The following AFF3 variants were observed in gnomAD, a reference collection of about 807,000 sequenced individuals.
AFF3 encodes the protein ALF transcription elongation factor 3, also known as AF4/FMR2 family member 3.
Under a neutral mutation model 129.7 loss-of-function variants are expected in AFF3, and 32 were observed. That is an observed-to-expected ratio of 0.25 (90% CI 0.19 to 0.33). The LOEUF (loss-of-function observed/expected upper bound fraction) is 0.33. Among genes scored for constraint, AFF3 ranks in the 10% least tolerant of loss-of-function variants. The probability of loss-of-function intolerance (pLI) is 1.00; values close to 1 mark genes in which losing one functional copy is unlikely to be tolerated. For synonymous variants in AFF3, 644 were observed against 635.4 expected (o/e 1.01, Z -0.20); for missense variants, 1,373 against 1,592.0 (o/e 0.86, Z 2.34).
intron 8 of AFF3, among the ~76,000 whole-genome samples, chr2:99,795,393 T>C (rs972593128): frequency 6.6e-6 from 1 of 151,578 alleles, no homozygotes; most frequent in African/African-American, 2.4e-5. Flanking sequence ...AGAAGGGCAA[T>C]GGCTGGGGGG....
chr2:99,803,290 C>G (rs1263356114), intron 8 of AFF3, among the ~76,000 whole-genome samples: 1 of 152,220 alleles, frequency 6.6e-6, no homozygotes, highest in South Asian at 2.1e-4. Context: ...CCCTAGTGAT[C>G]ATGGTGAATT....
At chr2:100,063,011 G>A (rs1397379149) in intron 4 of AFF3, among the ~76,000 whole-genome samples, 1 of 152,002 alleles carries the variant, frequency 6.6e-6, no homozygotes, top group Non-Finnish European at 1.5e-5. Context: ...ACCACTTTGG[G>A]AGGCCAAGGC....
intron 10 of AFF3, among the ~76,000 whole-genome samples, chr2:99,727,394 A>C (rs190081455): frequency 1.4e-3 from 208 of 152,338 alleles, no homozygotes; most frequent in Non-Finnish European, 2.6e-3. Flanking sequence ...CTTTGCCAGA[A>C]GATGAATATC....
chr2:100,000,723 C>T (rs1250229111), intron 7 of AFF3, among the ~76,000 whole-genome samples: 1 of 152,156 alleles, frequency 6.6e-6, no homozygotes, highest in African/African-American at 2.4e-5. Flanking sequence ...AAGCAGGTAT[C>T]ATTATCATGT....
At chr2:99,698,040 T>G (rs551126752) in intron 11 of AFF3, among the ~76,000 whole-genome samples, 1 of 152,318 alleles carries the variant, frequency 6.6e-6, no homozygotes, top group East Asian at 1.9e-4. Flanking sequence ...TAATTCCAAG[T>G]GTGTATCATC....
chr2:99,947,108 A>C (rs919716318), intron 7 of AFF3, among the ~76,000 whole-genome samples: 2 of 152,214 alleles, frequency 1.3e-5, no homozygotes, highest in African/African-American at 2.4e-5. Context: ...ATAAAGGCGC[A>C]TAACACATCT....
chr2:99,610,654 T>C (rs777596338), intron 13 of AFF3, among the ~76,000 whole-genome samples: 24 of 152,178 alleles, frequency 1.6e-4, no homozygotes, highest in Non-Finnish European at 3.2e-4. Flanking sequence ...AATATTTCTG[T>C]ATAGGTTTTT....
intron 21 of AFF3, among the ~76,000 whole-genome samples, chr2:99,559,394 TAA>T (rs1315895055): frequency 6.6e-6 from 1 of 152,218 alleles, no homozygotes; most frequent in African/African-American, 2.4e-5. Context: ...GCAGCTCCAC[TAA>T]AGTCACAAAC....
chr2:99,645,939 C>T (rs573266666), intron 13 of AFF3, among the ~76,000 whole-genome samples: 1 of 152,274 alleles, frequency 6.6e-6, no homozygotes, highest in South Asian at 2.1e-4. Flanking sequence ...TAACCTCCAA[C>T]AACCCAGAGG....
chr2:99,868,492 T>C (rs1691612765), intron 7 of AFF3, among the ~76,000 whole-genome samples: 1 of 152,110 alleles, frequency 6.6e-6, no homozygotes, highest in African/African-American at 2.4e-5. Context: ...AGGAGGAAGT[T>C]GCTCAGGGAA....
intron 11 of AFF3, among the ~76,000 whole-genome samples, chr2:99,710,401 C>A (rs1318022514): frequency 6.6e-6 from 1 of 152,064 alleles, no homozygotes; most frequent in African/African-American, 2.4e-5. Flanking sequence ...GGATTACAGG[C>A]GTGCGCTACC....
At chr2:99,890,163 T>C (rs1315246483) in intron 7 of AFF3, among the ~76,000 whole-genome samples, 2 of 152,280 alleles carry the variant, frequency 1.3e-5, no homozygotes, top group East Asian at 1.9e-4. Context: ...GGAGTGGTAA[T>C]GGGACACCAG....
At chr2:100,130,136 G>C (rs148853238) in intron 1 of AFF3, among the ~76,000 whole-genome samples, 25 of 152,324 alleles carry the variant, frequency 1.6e-4, no homozygotes, top group Non-Finnish European at 3.1e-4. Context: ...CGTGTGGCAC[G>C]TAAAGCAGAA....
At chr2:99,890,708 GCTTTGACGTGCACCACTTCT>G (rs1239637640) in intron 7 of AFF3, among the ~76,000 whole-genome samples, 1 of 152,074 alleles carries the variant, frequency 6.6e-6, no homozygotes, top group Non-Finnish European at 1.5e-5. Flanking sequence ...TTGGGGGCAG[GCTTTGACGTGCACCACTTCT>G]GTCTGGGCAC....
intron 7 of AFF3, among the ~76,000 whole-genome samples, chr2:99,914,574 G>C (rs1207535001): frequency 6.6e-6 from 1 of 152,144 alleles, no homozygotes; most frequent in African/African-American, 2.4e-5. Context: ...GGATATGTAA[G>C]AGGATATTCT....
intron 11 of AFF3, among the ~76,000 whole-genome samples, chr2:99,701,967 A>G (rs1383675052): frequency 6.6e-6 from 1 of 152,220 alleles, no homozygotes; most frequent in Non-Finnish European, 1.5e-5. Flanking sequence ...ATTCCCTGAG[A>G]TCCATCCAAG....
intron 7 of AFF3, among the ~76,000 whole-genome samples, chr2:99,927,747 T>A (rs6706702): frequency 0.047 from 7,169 of 152,136 alleles, 464 homozygotes; most frequent in African/African-American, 0.14. Context: ...TTAAAAAAAA[T>A]TTTTTTAAAT....
intron 11 of AFF3, among the ~76,000 whole-genome samples, chr2:99,726,663 G>T (rs1424886136): frequency 6.6e-6 from 1 of 152,144 alleles, no homozygotes; most frequent in Admixed American, 6.5e-5. Context: ...ATCGATAATT[G>T]TGCTTTTCAC....
At chr2:100,127,930 T>C (rs959670115) in intron 2 of AFF3, among the ~76,000 whole-genome samples, 1 of 152,110 alleles carries the variant, frequency 6.6e-6, no homozygotes, top group African/African-American at 2.4e-5. Context: ...CAGCACAAGA[T>C]ACAGGTCCTA....
Sources: allele counts gnomAD v4.1 joint callset (sites outside exome capture counted in the v4.1 genomes callset), GRCh38; gene constraint gnomAD v4.1.1; transcripts MANE v1.5; gene names NCBI Gene and HGNC (gene_info 2026-07-23, HGNC 2026-07-21).